BCAS3: variants seen among roughly 807,000 people sequenced by gnomAD.
The protein encoded by BCAS3 is BCAS4/BCAS3 fusion.
A neutral mutation model predicts 116.1 loss-of-function variants in BCAS3; 53 were observed. That is an observed-to-expected ratio of 0.46 (90% CI 0.37 to 0.57). BCAS3 has a LOEUF of 0.57. Among genes scored for constraint, BCAS3 ranks in the 20% least tolerant of loss-of-function variants. The pLI is 0.00. For synonymous variants in BCAS3, 391 were observed against 408.2 expected (o/e 0.96, Z 0.51); for missense variants, 917 against 1,165.4 (o/e 0.79, Z 3.10).
rs986432874 is a variant in BCAS3, at chr17:61,151,331, A to G, written c.2425+66767A>G. The stretch of plus-strand genomic sequence containing the variant: ...CAAAATTCAAAGCACTCCTGGTCCC[A>G]AGCATTTCGGATAGGGGATAATCAA... On this transcript the variant is annotated intron_variant, in intron 22 of 23. Transcript: ENST00000407086. The surrounding 1 kb of genome is among the most constrained non-coding windows in gnomAD (Gnocchi z 4.8). Among the ~76,000 whole-genome samples the G allele has an allele frequency of 6.6e-6, 1 of 152,128 alleles. No homozygotes were observed. Among genetic ancestry groups the G allele is most frequent in the African/African-American group, 2.4e-5 (1 of 41,416 alleles).
chr17:60,684,479 C>G (rs1367161908), intron 3 of BCAS3, among the ~76,000 whole-genome samples: 1 of 150,798 alleles, frequency 6.6e-6, no homozygotes, highest in Non-Finnish European at 1.5e-5. Context: ...TCCTGTTACT[C>G]TAACTGATAA....
intron 19 of BCAS3, chr17:61,070,159 G>C: frequency 6.4e-7 from 1 of 1,563,298 alleles, no homozygotes; most frequent in South Asian, 1.1e-5. Context: ...CAACACACTT[G>C]TGTTCCTTGT....
rs2061738684 is a variant in BCAS3 at position 60,967,811 on chromosome 17, TG to T, written c.1221+20461del. Among the ~76,000 whole-genome samples the T allele has an allele frequency of 6.6e-6, 1 of 152,142 alleles. No individual in the cohort carries two copies. Among genetic ancestry groups the T allele is most frequent in the Non-Finnish European group, 1.5e-5 (1 of 68,024 alleles). On this transcript the variant is annotated intron_variant, in intron 14 of 23. Transcript: ENST00000407086. This position sits in a 1 kb window ranked among gnomAD's most constrained non-coding sequence, Gnocchi z 4.7. ...TAGGTCACTGATTCTTTCCTTCACT[TG>T]GTCCATTCCACTGTTGAGAGTCTCT... is the stretch of plus-strand genomic sequence containing the variant.
At chr17:61,101,376 A>T (rs1266965464) in intron 22 of BCAS3, among the ~76,000 whole-genome samples, 2 of 152,182 alleles carry the variant, frequency 1.3e-5, no homozygotes, top group African/African-American at 4.8e-5. Context: ...CTTTCCGTCT[A>T]CTTATGGGAA....
At chr17:61,254,431 C>G (rs1186866601) in intron 22 of BCAS3, among the ~76,000 whole-genome samples, 2 of 152,064 alleles carry the variant, frequency 1.3e-5, no homozygotes, top group East Asian at 1.9e-4. Flanking sequence ...CTCCTTTGCC[C>G]TAGTGTCAAG....
chr17:60,744,124 C>A (rs2041833002), intron 5 of BCAS3, among the ~76,000 whole-genome samples: 1 of 152,194 alleles, frequency 6.6e-6, no homozygotes, highest in African/African-American at 2.4e-5. Flanking sequence ...CCTGTTCGCT[C>A]TTCTCCCCAA....
chr17:61,252,580 T>TA (rs35399806), intron 22 of BCAS3, among the ~76,000 whole-genome samples: 113,905 of 145,466 alleles, frequency 0.78, 44,782 homozygotes, highest in East Asian at 0.99. Flanking sequence ...GTGAAGGACT[T>TA]AAAAAAAAAA....
intron 4 of BCAS3, among the ~76,000 whole-genome samples, chr17:60,704,525 C>T (rs1447286751): frequency 2.6e-5 from 4 of 152,094 alleles, no homozygotes; most frequent in Non-Finnish European, 5.9e-5. Flanking sequence ...AAGTACCTGG[C>T]CAGTAAGAGA....
intron 5 of BCAS3, among the ~76,000 whole-genome samples, chr17:60,737,199 C>G (rs972136883): frequency 6.6e-6 from 1 of 152,144 alleles, no homozygotes; most frequent in Non-Finnish European, 1.5e-5. Flanking sequence ...CTCGGCCTCC[C>G]AAAATGCTGG....
chr17:60,746,067 A>G (rs1194112076), intron 5 of BCAS3, among the ~76,000 whole-genome samples: 1 of 152,116 alleles, frequency 6.6e-6, no homozygotes, highest in Non-Finnish European at 1.5e-5. Flanking sequence ...ATTTAAAAAA[A>G]TACCATCAGT....
chr17:60,734,268 A>G (rs116540333), intron 5 of BCAS3, among the ~76,000 whole-genome samples: 4,832 of 152,226 alleles, frequency 0.032, 241 homozygotes, highest in African/African-American at 0.11. Flanking sequence ...TAGCTAGGGC[A>G]ACAGGTGCAC....
chr17:60,770,848 T>A (rs866348430), intron 6 of BCAS3, among the ~76,000 whole-genome samples: 1 of 126,266 alleles, frequency 7.9e-6, no homozygotes, highest in Non-Finnish European at 1.7e-5. Context: ...TTTTTTTTTT[T>A]TTTTTTTTTT....
At chr17:61,240,405 C>T (rs940553230) in intron 22 of BCAS3, among the ~76,000 whole-genome samples, 4 of 152,074 alleles carry the variant, frequency 2.6e-5, no homozygotes, top group African/African-American at 9.7e-5. Flanking sequence ...AACCCCAGCA[C>T]TTTGGGAGGC....
rs543856829 is a variant in BCAS3 at position 61,004,904 on chromosome 17, C to A, written c.1487-10847C>A. Reference sequence around the variant, plus strand: ...TAAGAGCCATCTCTAGTAAGGAATGCTTAATTAATGTTCAATAATATTTCA... The same window carrying A: ...TAAGAGCCATCTCTAGTAAGGAATGATTAATTAATGTTCAATAATATTTCA... On this transcript the variant is annotated intron_variant, in intron 15 of 23. Coordinates refer to ENST00000407086, the MANE Select transcript of BCAS3 (RefSeq NM_017679.5). The surrounding 1 kb of genome is among the most constrained non-coding windows in gnomAD (Gnocchi z 4.8). Among the ~76,000 whole-genome samples, 20 of 152,142 alleles carry A rather than the reference C, an allele frequency of 1.3e-4. No individual in the cohort carries two copies. The highest frequency in any genetic ancestry group is 4.3e-4 in the African/African-American group (18 of 41,492).
At chr17:60,954,736 A>G (rs2061034095) in intron 14 of BCAS3, among the ~76,000 whole-genome samples, 1 of 152,136 alleles carries the variant, frequency 6.6e-6, no homozygotes, top group Non-Finnish European at 1.5e-5. Flanking sequence ...TATAATGCCC[A>G]ATTTCTTTCT....
chr17:60,960,802 C>T lies in BCAS3; in HGVS notation c.1221+13450C>T, dbSNP rs141504705. Among the ~76,000 whole-genome samples, 183 of 151,288 alleles carry T rather than the reference C, an allele frequency of 1.2e-3. 2 individuals carry two copies. In the East Asian group the frequency reaches 0.023, roughly 19 times the overall value. On this transcript the variant is annotated intron_variant, in intron 14 of 23. Transcript: ENST00000407086. The surrounding 1 kb of genome is among the most constrained non-coding windows in gnomAD (Gnocchi z 4.1). ...TTTTCTTTTTTTTTTTTTAATCATGCCTTTGTGCCTTTCAGTCCAAGATGG... is the reference window on the plus strand; with the variant it reads ...TTTTCTTTTTTTTTTTTTAATCATGTCTTTGTGCCTTTCAGTCCAAGATGG...
chr17:61,227,266 A>T lies in BCAS3; in HGVS notation c.2426-141061A>T, dbSNP rs1158226296. Reference sequence around the variant, plus strand: ...ATTTATGAGTCCTCTTCTGAAAAAAATGCAGATACTCATACATATACAATG... The same window carrying T: ...ATTTATGAGTCCTCTTCTGAAAAAATTGCAGATACTCATACATATACAATG... On this transcript the variant is annotated intron_variant, in intron 22 of 23. Coordinates refer to ENST00000407086, the MANE Select transcript of BCAS3 (RefSeq NM_017679.5). The surrounding 1 kb of genome is among the most constrained non-coding windows in gnomAD (Gnocchi z 6.1). 6.6e-6 allele frequency among the ~76,000 whole-genome samples: 1 copy of T among 152,198 alleles called. No homozygotes were observed. Among genetic ancestry groups the T allele is most frequent in the Non-Finnish European group, 1.5e-5 (1 of 68,046 alleles).
At chr17:60,975,079 G>T (rs1173745451) in intron 14 of BCAS3, among the ~76,000 whole-genome samples, 1 of 149,844 alleles carries the variant, frequency 6.7e-6, no homozygotes, top group East Asian at 2.0e-4. Context: ...TCGGCTCACT[G>T]CAAGCTCCGC....
In BCAS3 at chr17:61,261,566, G is replaced by T. The variant is rs868128716; in HGVS notation, c.2426-106761G>T. On this transcript the variant is annotated intron_variant, in intron 22 of 23. Transcript: ENST00000407086. The surrounding 1 kb of genome is among the most constrained non-coding windows in gnomAD (Gnocchi z 4.4). ...AAAAAGAGCTGTTTATTTCTTTTCC[G>T]CATGTTTTCCCCCTAGTTTCAAAAG... Among the ~76,000 whole-genome samples the T allele has an allele frequency of 6.6e-6, 1 of 151,968 alleles. No individual in the cohort carries two copies. Among genetic ancestry groups the T allele is most frequent in the Non-Finnish European group, 1.5e-5 (1 of 68,018 alleles).
Sources: gnomAD v4.1 joint callset for allele counts (sites outside exome capture counted in the v4.1 genomes callset) on GRCh38, gnomAD v4.1.1 for gene constraint, Gnocchi (gnomAD v3.1) non-coding constraint, MANE v1.5 for transcripts, NCBI Gene and HGNC (gene_info 2026-07-23, HGNC 2026-07-21) for gene names.